ATF7IP2: variants seen among roughly 807,000 people sequenced by gnomAD.
ATF7IP2 encodes activating transcription factor 7-interacting protein 2.
ATF7IP2 carries 42 observed loss-of-function variants against 64.2 expected under a neutral mutation model. The ratio of observed to expected loss-of-function variants is 0.65; its 90% CI spans 0.51 to 0.85. The LOEUF is 0.85. Ranked by LOEUF, ATF7IP2 falls within the 40% of genes least tolerant of loss-of-function variation. The pLI is 0.00. For missense variants in ATF7IP2, 933 were observed against 784.2 expected (o/e 1.19, Z -2.27); for synonymous variants, 308 against 272.8 (o/e 1.13, Z -1.27).
At chr16:10,458,967 C>G (rs1377520699) in intron 9 of ATF7IP2, among the ~76,000 whole-genome samples, 1 of 151,942 alleles carries the variant, frequency 6.6e-6, no homozygotes, top group African/African-American at 2.4e-5. Context: ...AGGTGGATCA[C>G]TTGAGGTCAG....
chr16:10,435,060 G>A (rs1255886221), intron 6 of ATF7IP2, among the ~76,000 whole-genome samples: 7 of 152,112 alleles, frequency 4.6e-5, no homozygotes, highest in Middle Eastern at 3.2e-3. Context: ...GAGCCACCGC[G>A]CCCAGCCAGA....
intron 7 of ATF7IP2, 40 bp downstream of exon 7, chr16:10,438,275 G>A: frequency 6.4e-7 from 1 of 1,571,802 alleles, no homozygotes; most frequent in Non-Finnish European, 8.6e-7. Context: ...TAGGGGAGTA[G>A]GGGGTGTTGT....
chr16:10,441,209 G>T (rs568115829), intron 8 of ATF7IP2, among the ~76,000 whole-genome samples: 2 of 152,132 alleles, frequency 1.3e-5, no homozygotes, highest in African/African-American at 2.4e-5. Context: ...TGCAATAAAC[G>T]TACGTGTGCA....
intron 2 of ATF7IP2, among the ~76,000 whole-genome samples, 198 bp from the exon 3 acceptor site, chr16:10,419,383 A>T (rs558201569): frequency 5.3e-5 from 8 of 152,178 alleles, no homozygotes; most frequent in African/African-American, 1.9e-4. Flanking sequence ...TCCAAGAGCT[A>T]TCATTAGTGT....
chr16:10,408,963 C>T (rs879841455), intron 1 of ATF7IP2, among the ~76,000 whole-genome samples: 1 of 152,174 alleles, frequency 6.6e-6, no homozygotes, highest in Non-Finnish European at 1.5e-5. Flanking sequence ...AAAGTGAAAC[C>T]AGCACTCGGG....
chr16:10,423,927 C>T (rs1013063740), intron 3 of ATF7IP2, among the ~76,000 whole-genome samples: 12 of 152,164 alleles, frequency 7.9e-5, no homozygotes, highest in Admixed American at 3.3e-4. Flanking sequence ...TTCCGGCACA[C>T]GCATAGAAAT....
At chr16:10,428,216 A>G (rs1273535441) in intron 3 of ATF7IP2, among the ~76,000 whole-genome samples, 1 of 152,198 alleles carries the variant, frequency 6.6e-6, no homozygotes, top group Non-Finnish European at 1.5e-5. Flanking sequence ...ATAGTATTCT[A>G]CTTATTTGTT....
At chr16:10,463,900 A>G (rs1261388019) in intron 9 of ATF7IP2, among the ~76,000 whole-genome samples, 1 of 152,180 alleles carries the variant, frequency 6.6e-6, no homozygotes, top group Non-Finnish European at 1.5e-5. Context: ...TGCCTGGGAT[A>G]TGGATTGTGG....
chr16:10,417,401 A>G (rs559689589), intron 2 of ATF7IP2, among the ~76,000 whole-genome samples: 1 of 152,306 alleles, frequency 6.6e-6, no homozygotes, highest in African/African-American at 2.4e-5. Context: ...ATTCTGTGCA[A>G]TGGAAACCAA....
intron 12 of ATF7IP2, 31 bp downstream of exon 12, chr16:10,474,020 A>G (rs747350617): frequency 8.9e-5 from 130 of 1,454,890 alleles, no homozygotes; most frequent in Non-Finnish European, 1.1e-4. Flanking sequence ...TTTCTTTTGT[A>G]AAAAGGAGGG....
chr16:10,415,100 C>T (rs2047845305), intron 2 of ATF7IP2, among the ~76,000 whole-genome samples: 1 of 152,142 alleles, frequency 6.6e-6, no homozygotes, highest in Non-Finnish European at 1.5e-5. Context: ...GCATCGATGA[C>T]ATTCTTCACA....
chr16:10,460,651 A>G (rs534129141), intron 9 of ATF7IP2, among the ~76,000 whole-genome samples: 111 of 152,230 alleles, frequency 7.3e-4, no homozygotes, highest in African/African-American at 2.5e-3. Context: ...TTTGCTGTTT[A>G]TGTTGGGGGA....
chr16:10,449,033 T>C (rs1445470417), intron 8 of ATF7IP2: 1 of 152,144 alleles, frequency 6.6e-6, no homozygotes, highest in Admixed American at 6.5e-5. Flanking sequence ...GGTGTTGAAT[T>C]TTGTCAAAGG....
At position 10,457,212 on chromosome 16, in the gene ATF7IP2, C is replaced by T. The variant is rs1327433082; in HGVS notation, c.1195-160C>T. 5.2e-6 allele frequency: 3 copies of T among 575,472 alleles called. No individual in the cohort carries two copies. The African/African-American group carries it at 5.9e-5, about 11-fold the overall frequency. The allele number at this position is 575,472 out of a possible 1,614,324, so 35.6% of individuals were successfully genotyped here. On this transcript the variant is annotated intron_variant, in intron 8 of 13. Coordinates refer to ENST00000562102, the MANE Select transcript of ATF7IP2 (RefSeq NM_001393719.1). ...CGGAGTTTTTAAAAATTCATTTTGG[C>T]AGGCAAATCACAATCATGGTCATCA... is the stretch of plus-strand genomic sequence containing the variant.
At chr16:10,400,256 G>A (rs1228708341) in intron 1 of ATF7IP2, among the ~76,000 whole-genome samples, 2 of 152,170 alleles carry the variant, frequency 1.3e-5, no homozygotes, top group African/African-American at 4.8e-5. Context: ...GGTCAGGCTG[G>A]TCTTGAACTC....
At chr16:10,414,423 TTTGATTGTTTTTTA>T (rs1470871971) in intron 1 of ATF7IP2, among the ~76,000 whole-genome samples, 137 bp from the exon 2 acceptor site, 1 of 151,994 alleles carries the variant, frequency 6.6e-6, no homozygotes, top group Admixed American at 6.6e-5. Flanking sequence ...TTCCTGAAGT[TTTGATTGTTTTTTA>T]TTTATGCTAT....
intron 9 of ATF7IP2, among the ~76,000 whole-genome samples, chr16:10,465,420 T>G (rs559688537): frequency 1.3e-3 from 192 of 152,016 alleles, no homozygotes; most frequent in African/African-American, 4.4e-3. Flanking sequence ...AAATTATCAG[T>G]TTCCTCAGTT....
At chr16:10,479,265 T>G (rs2050124909) in intron 12 of ATF7IP2, among the ~76,000 whole-genome samples, 1 of 150,544 alleles carries the variant, frequency 6.6e-6, no homozygotes, top group Non-Finnish European at 1.5e-5. Context: ...TGTCCAACAA[T>G]GATAGACTGG....
At chr16:10,480,000 T>C (rs896289407) in intron 12 of ATF7IP2, among the ~76,000 whole-genome samples, 1 of 93,334 alleles carries the variant, frequency 1.1e-5, no homozygotes, top group African/African-American at 4.7e-5. Flanking sequence ...TTTTTTTTTT[T>C]TGAGACAGTC....
Sources: allele counts gnomAD v4.1 joint callset (sites outside exome capture counted in the v4.1 genomes callset), GRCh38; gene constraint gnomAD v4.1.1; transcripts MANE v1.5; gene names NCBI Gene and HGNC (gene_info 2026-07-23, HGNC 2026-07-21).